Variants in MAGI1 observed in about 807,000 individuals in gnomAD.
MAGI1 encodes membrane associated guanylate kinase, WW and PDZ domain containing 1.
A neutral mutation model predicts 139.9 loss-of-function variants in MAGI1; 58 were observed. The observed-to-expected ratio is 0.41, with a 90% confidence interval of 0.34 to 0.52. The LOEUF is 0.52. Ranked by LOEUF, MAGI1 falls within the 20% of genes least tolerant of loss-of-function variation. The probability of loss-of-function intolerance (pLI) is 0.12; values close to 1 mark genes in which losing one functional copy is unlikely to be tolerated. For missense variants in MAGI1, 1,874 were observed against 1,901.6 expected (o/e 0.99, Z 0.27); for synonymous variants, 812 against 737.9 (o/e 1.10, Z -1.63).
At chr3:65,933,896 T>C (rs939015600) in intron 1 of MAGI1, among the ~76,000 whole-genome samples, 4 of 151,958 alleles carry the variant, frequency 2.6e-5, no homozygotes, top group African/African-American at 9.7e-5. Flanking sequence ...GAGGCCGAGG[T>C]GGGCAGATTA....
chr3:65,605,386 T>C (rs564440289), intron 2 of MAGI1, among the ~76,000 whole-genome samples: 55 of 152,126 alleles, frequency 3.6e-4, no homozygotes, highest in Middle Eastern at 3.4e-3. Context: ...GCCAAATGAG[T>C]TCCTGAAAAA....
chr3:65,787,856 T>C (rs965367904), intron 1 of MAGI1, among the ~76,000 whole-genome samples: 1 of 152,120 alleles, frequency 6.6e-6, no homozygotes, highest in Non-Finnish European at 1.5e-5. Context: ...ACTGAAGACA[T>C]GATAGCTCAG....
At chr3:65,777,509 T>C (rs1353770880) in intron 1 of MAGI1, among the ~76,000 whole-genome samples, 1 of 152,056 alleles carries the variant, frequency 6.6e-6, no homozygotes, top group Non-Finnish European at 1.5e-5. Flanking sequence ...TGCGGTTGCT[T>C]ACACCTGTAA....
intron 5 of MAGI1, among the ~76,000 whole-genome samples, chr3:65,456,779 C>T (rs1457638852): frequency 6.6e-6 from 1 of 152,158 alleles, no homozygotes; most frequent in Non-Finnish European, 1.5e-5. Flanking sequence ...AAAAGGCTAT[C>T]TGCCCTCCAT....
At position 65,587,481 on chromosome 3, in the gene MAGI1, T is replaced by TTC. The variant is rs796691620; in HGVS notation, c.430+34490_430+34491insGA. 2.5e-3 allele frequency among the ~76,000 whole-genome samples: 269 copies of TTC among 109,234 alleles called. No homozygotes were observed. The South Asian group carries it at 0.031, about 13-fold the overall frequency. The allele number at this position is 109,234 out of a possible 152,430, so 71.7% of individuals were successfully genotyped here. A position where few individuals can be genotyped will look rare whatever the true frequency, so the allele number is the denominator to read the frequency against. The stretch of plus-strand genomic sequence containing the variant: ...TTTTATTTTATTATTACTTTTTTCT[T>TTC]TTTTTTTTTTTTTTTTTTTTGAGAC... On this transcript the variant is annotated intron_variant, in intron 2 of 22. Coordinates refer to ENST00000402939, the MANE Select transcript of MAGI1 (RefSeq NM_001033057.2).
intron 1 of MAGI1, among the ~76,000 whole-genome samples, chr3:65,659,402 G>C (rs957195490): frequency 6.6e-5 from 10 of 152,144 alleles, no homozygotes; most frequent in African/African-American, 9.7e-5. Flanking sequence ...GACCCAACAT[G>C]GTGCTGCATT....
intron 10 of MAGI1, among the ~76,000 whole-genome samples, chr3:65,432,288 C>T (rs901721729): frequency 6.6e-6 from 1 of 152,082 alleles, no homozygotes; most frequent in Admixed American, 6.6e-5. Flanking sequence ...GCTTCTCCAT[C>T]TGCCCTGTTT....
chr3:65,454,635 A>T (rs1178983213), intron 5 of MAGI1, among the ~76,000 whole-genome samples: 1 of 151,130 alleles, frequency 6.6e-6, no homozygotes, highest in East Asian at 1.9e-4. Context: ...CTTTTTTTGA[A>T]CTGTGACATT....
At chr3:65,673,912 T>C (rs1201704854) in intron 1 of MAGI1, among the ~76,000 whole-genome samples, 1 of 152,194 alleles carries the variant, frequency 6.6e-6, no homozygotes, top group East Asian at 1.9e-4. Flanking sequence ...ATTAGCTAAA[T>C]GGAGGAATGC....
Position 65,645,321 on chromosome 3 carries a change from A to G in MAGI1, c.314-23233T>C, listed in dbSNP as rs555492267. ...AGCAGTGAGAGAAATACTACCTTAC[A>G]TAGAAAAAATAGAGTGACAGTAAAT... On this transcript the variant is annotated intron_variant, in intron 1 of 22. Transcript: ENST00000402939. Among the ~76,000 whole-genome samples, 70 of 152,274 alleles carry G rather than the reference A, an allele frequency of 4.6e-4. 2 individuals carry two copies. Among genetic ancestry groups the G allele is most frequent in the Non-Finnish European group, 4.4e-5 (3 of 68,014 alleles).
intron 2 of MAGI1, among the ~76,000 whole-genome samples, chr3:65,570,942 A>C (rs890153534): frequency 1.3e-5 from 2 of 152,144 alleles, no homozygotes; most frequent in Admixed American, 1.3e-4. Context: ...ACCGAATAAC[A>C]CTCAATTTTG....
At chr3:65,497,768 A>T (rs1376687135) in intron 2 of MAGI1, among the ~76,000 whole-genome samples, 1 of 152,138 alleles carries the variant, frequency 6.6e-6, no homozygotes, top group Non-Finnish European at 1.5e-5. Flanking sequence ...TCCTGAGAGG[A>T]TTCAAAATAA....
chr3:65,968,710 G>A (rs972218766), intron 1 of MAGI1, among the ~76,000 whole-genome samples: 1 of 151,986 alleles, frequency 6.6e-6, no homozygotes, highest in Non-Finnish European at 1.5e-5. Context: ...CAGGATATTA[G>A]AGACTTTTCA....
At chr3:65,583,877 CTG>C (rs2081550584) in intron 2 of MAGI1, among the ~76,000 whole-genome samples, 4 of 152,018 alleles carry the variant, frequency 2.6e-5, no homozygotes, top group Non-Finnish European at 5.9e-5. Flanking sequence ...CATTTTCTCC[CTG>C]AAGATGAGAC....
intron 5 of MAGI1, among the ~76,000 whole-genome samples, chr3:65,455,629 G>A (rs572284768): frequency 6.6e-6 from 1 of 152,220 alleles, no homozygotes; most frequent in Admixed American, 6.5e-5. Context: ...CCTAGCTACT[G>A]GAGAGGCTGA....
rs142411728 is a variant in MAGI1, at chr3:65,614,173, C to T, written c.430+7799G>A. On this transcript the variant is annotated intron_variant, in intron 2 of 22. Transcript: ENST00000402939. Reference sequence around the variant, plus strand: ...AATGTTCTAGACTCAACAAGACAAGCGCTAATGACACACAGGGGCAGGGCA... The same window carrying T: ...AATGTTCTAGACTCAACAAGACAAGTGCTAATGACACACAGGGGCAGGGCA... Among the ~76,000 whole-genome samples, 20 of 152,244 alleles carry T rather than the reference C, an allele frequency of 1.3e-4. No individual in the cohort carries two copies. The South Asian group carries it at 3.9e-3, about 30-fold the overall frequency.
At chr3:65,460,477 T>TC (rs1225669276) in intron 5 of MAGI1, among the ~76,000 whole-genome samples, 1 of 152,090 alleles carries the variant, frequency 6.6e-6, no homozygotes, top group East Asian at 1.9e-4. Flanking sequence ...TCCCTCATTA[T>TC]CTTTTTTTTT....
chr3:65,821,602 G>A (rs961702651), intron 1 of MAGI1, among the ~76,000 whole-genome samples: 1 of 152,168 alleles, frequency 6.6e-6, no homozygotes, highest in African/African-American at 2.4e-5. Flanking sequence ...TGTTACAAAA[G>A]TAAAGACATT....
Position 65,921,416 on chromosome 3 carries a change from C to A in MAGI1, c.313+116580G>T, listed in dbSNP as rs1372188193. ...CTCTGTGTCCCGGGTTCAAGTAATT[C>A]TCCCATCTCAGCCTCCCGAGTAGCT... On this transcript the variant is annotated intron_variant, in intron 1 of 22. Coordinates refer to ENST00000402939, the MANE Select transcript of MAGI1 (RefSeq NM_001033057.2). Among the ~76,000 whole-genome samples, 4 of 151,326 alleles carry A rather than the reference C, an allele frequency of 2.6e-5. No homozygotes were observed. The South Asian group carries it at 6.3e-4, about 24-fold the overall frequency.
Sources: allele counts gnomAD v4.1 joint callset (sites outside exome capture counted in the v4.1 genomes callset), GRCh38; gene constraint gnomAD v4.1.1; transcripts MANE v1.5; gene names NCBI Gene and HGNC (gene_info 2026-07-23, HGNC 2026-07-21).